Variants in STX11 observed in about 807,000 individuals in gnomAD.
STX11 encodes syntaxin 11.
STX11 carries 21 observed loss-of-function variants against 19.9 expected under a neutral mutation model. The ratio of observed to expected loss-of-function variants is 1.06; its 90% confidence interval spans 0.75 to 1.52. STX11 has a LOEUF of 1.52. STX11 is among the 40% of genes most tolerant of loss of function. STX11 has a pLI of 0.00. For synonymous variants in STX11, 193 were observed against 174.4 expected (o/e 1.11, Z -0.84); for missense variants, 438 against 405.9 (o/e 1.08, Z -0.68).
chr6:144,186,557 C>T (rs1479825355), intron 1 of STX11, 66 bp from the exon 2 acceptor site: 2 of 1,606,982 alleles, frequency 1.2e-6, no homozygotes, highest in Admixed American at 1.7e-5. Flanking sequence ...GTTTAAGTTT[C>T]AATCCCTTGA....
At chr6:144,146,930 A>C (rs1167824755), upstream of STX11, among the ~76,000 whole-genome samples, 1 of 152,166 alleles carries the variant, frequency 6.6e-6, no homozygotes, top group Non-Finnish European at 1.5e-5. This position sits in a 1 kb window ranked among gnomAD's most constrained non-coding sequence, Gnocchi z 4.4. Context: ...ATTGCTGGGG[A>C]TTAAGTGTGG....
At chr6:144,178,784 C>G (rs1246557901) in intron 1 of STX11, among the ~76,000 whole-genome samples, 1 of 152,036 alleles carries the variant, frequency 6.6e-6, no homozygotes, top group African/African-American at 2.4e-5. Context: ...TTGAATGAGC[C>G]CTAAGACAAT....
upstream of STX11, among the ~76,000 whole-genome samples, chr6:144,146,485 T>A (rs561589803): frequency 6.6e-6 from 1 of 152,322 alleles, no homozygotes; most frequent in East Asian, 1.9e-4. The surrounding 1 kb of genome is among the most constrained non-coding windows in gnomAD (Gnocchi z 4.4). Flanking sequence ...GCTAATTTTG[T>A]ATTTTTAGTA....
Position 144,187,735 on chromosome 6 carries a change from A to C in STX11, c.*244A>C. The C allele has an allele frequency of 1.6e-6, 1 of 612,920 alleles. No individual in the cohort carries two copies. 38.0% of individuals were successfully genotyped at this position (612,920 alleles called of 1,614,324 possible). On this transcript the variant is annotated 3_prime_UTR_variant, in exon 2 of 2. Transcript: ENST00000367568. The surrounding 1 kb of genome is among the most constrained non-coding windows in gnomAD (Gnocchi z 5.6). ...CCACAAAGTTGTGCAATGTCATTATATGACACCTTGCACTCTTACCGTCTT... is the reference window on the plus strand; with the variant it reads ...CCACAAAGTTGTGCAATGTCATTATCTGACACCTTGCACTCTTACCGTCTT...
At chr6:144,149,929 T>A (rs997385362), upstream of STX11, among the ~76,000 whole-genome samples, 1 of 152,164 alleles carries the variant, frequency 6.6e-6, no homozygotes, top group Admixed American at 6.5e-5. The surrounding 1 kb of genome is among the most constrained non-coding windows in gnomAD (Gnocchi z 5.1). Flanking sequence ...GCAGTATTTT[T>A]GAGCGCGGTG....
At position 144,184,811 on chromosome 6, in the gene STX11, AAT is replaced by A. The variant is rs1282701513; in HGVS notation, c.-5-1811_-5-1810del. The stretch of plus-strand genomic sequence containing the variant: ...TTCTCTGTCATTTACATCTTCTCTG[AAT>A]TGCTTCACTGTCTTTGGGTAAGTAG... On this transcript the variant is annotated intron_variant, in intron 1 of 1. Transcript: ENST00000367568. The surrounding 1 kb of genome is among the most constrained non-coding windows in gnomAD (Gnocchi z 6.5). 2.0e-5 allele frequency among the ~76,000 whole-genome samples: 3 copies of A among 152,222 alleles called. No individual in the cohort carries two copies. Among genetic ancestry groups the A allele is most frequent in the Non-Finnish European group, 4.4e-5 (3 of 68,038 alleles).
chr6:144,166,852 T>G, intron 1 of STX11, among the ~76,000 whole-genome samples: 1 of 129,266 alleles, frequency 7.7e-6, no homozygotes, highest in South Asian at 2.9e-4. Context: ...CCCCTTCCCT[T>G]CCCTCCCCTC....
rs10602843 is a variant in STX11 at position 144,170,591 on chromosome 6, GTAT to G, written c.-5-16019_-5-16017del. On this transcript the variant is annotated intron_variant, in intron 1 of 1. Coordinates refer to ENST00000367568, the MANE Select transcript of STX11 (RefSeq NM_003764.4). The surrounding 1 kb of genome is among the most constrained non-coding windows in gnomAD (Gnocchi z 4.7). The stretch of plus-strand genomic sequence containing the variant: ...TTTTCAGATTAGGAATGCTCAATCT[GTAT>G]TATTATTATTATATTTTACAAAGAG... Among the ~76,000 whole-genome samples, 60,206 of 151,602 alleles carry G rather than the reference GTAT, an allele frequency of 0.4. 12,670 individuals are homozygous for G. Among genetic ancestry groups the G allele is most frequent in the African/African-American group, 0.53 (22,002 of 41,246 alleles).
rs1211657729 is a variant in STX11 at position 144,159,142 on chromosome 6, A to G, written c.-6+8439A>G. ...AGCCTCATCAAAAATGAGTGAAAAA[A>G]ATAACGATTCTGGTGAGCGTATTTA... On this transcript the variant is annotated intron_variant, in intron 1 of 1. Coordinates refer to ENST00000367568, the MANE Select transcript of STX11 (RefSeq NM_003764.4). This position sits in a 1 kb window ranked among gnomAD's most constrained non-coding sequence, Gnocchi z 4.3. 6.6e-6 allele frequency among the ~76,000 whole-genome samples: 1 copy of G among 152,178 alleles called. No homozygotes were observed. The highest frequency in any genetic ancestry group is 1.5e-5 in the Non-Finnish European group (1 of 68,030).
chr6:144,181,987 T>A (rs1801923241), intron 1 of STX11, among the ~76,000 whole-genome samples: 1 of 152,216 alleles, frequency 6.6e-6, no homozygotes, highest in Non-Finnish European at 1.5e-5. Context: ...ATTCTTCACC[T>A]CCATGCAAAT....
At chr6:144,141,997 A>T in the STX11 span, among the ~76,000 whole-genome samples, 1 of 151,856 alleles carries the variant, frequency 6.6e-6, no homozygotes, top group African/African-American at 2.4e-5. Context: ...TGTGGTCTCT[A>T]ACATTGTTCT....
At position 144,162,847 on chromosome 6, in the gene STX11, T is replaced by A. The variant is rs1389746126; in HGVS notation, c.-6+12144T>A. On this transcript the variant is annotated intron_variant, in intron 1 of 1. Transcript: ENST00000367568. The surrounding 1 kb of genome is among the most constrained non-coding windows in gnomAD (Gnocchi z 4.6). ...TCTTCTTGTTGATATTCATAGAAAG[T>A]GTGTATGTTTACCAACATGAGTGAC... Among the ~76,000 whole-genome samples the A allele has an allele frequency of 1.3e-5, 2 of 152,232 alleles. No individual in the cohort carries two copies. The highest frequency in any genetic ancestry group is 2.4e-5 in the African/African-American group (1 of 41,458).
At chr6:144,147,483 G>A (rs1363598567), upstream of STX11, among the ~76,000 whole-genome samples, 1 of 151,538 alleles carries the variant, frequency 6.6e-6, no homozygotes. The surrounding 1 kb of genome is among the most constrained non-coding windows in gnomAD (Gnocchi z 4.2). Flanking sequence ...CTCTTTTTTT[G>A]ATTCTTTATC....
At chr6:144,186,058 T>C (rs1266004870) in intron 1 of STX11, among the ~76,000 whole-genome samples, 1 of 149,870 alleles carries the variant, frequency 6.7e-6, no homozygotes, top group African/African-American at 2.4e-5. Context: ...TTTTTTCTTT[T>C]TTTTTTTTTC....
rs1410486751 is a variant in STX11, at chr6:144,152,200, G to C, written c.-6+1497G>C. On this transcript the variant is annotated intron_variant, in intron 1 of 1. Transcript: ENST00000367568. The surrounding 1 kb of genome is among the most constrained non-coding windows in gnomAD (Gnocchi z 4.9). ...CCCTAGATAATTGCGGTCACGATTA[G>C]TTGATAGTGTGACTTTTAAGAAATA... 6.6e-6 allele frequency among the ~76,000 whole-genome samples: 1 copy of C among 152,206 alleles called. No individual in the cohort carries two copies. Among genetic ancestry groups the C allele is most frequent in the Non-Finnish European group, 1.5e-5 (1 of 68,040 alleles).
At chr6:144,179,278 C>T (rs1021597359) in intron 1 of STX11, among the ~76,000 whole-genome samples, 11 of 152,160 alleles carry the variant, frequency 7.2e-5, no homozygotes, top group Admixed American at 1.3e-4. Context: ...CCTCGCACAA[C>T]GTGTGGGAAT....
chr6:144,157,522 C>T (rs907604369), intron 1 of STX11, among the ~76,000 whole-genome samples: 5 of 152,122 alleles, frequency 3.3e-5, no homozygotes, highest in African/African-American at 1.2e-4. Flanking sequence ...TGTCTGATGG[C>T]CCAGACCATC....
At position 144,187,383 on chromosome 6, in the gene STX11, G is replaced by C. The variant is rs1419598166; in HGVS notation, c.756G>C (p.Thr252=). 2 of 1,610,684 alleles carry C rather than the reference G, an allele frequency of 1.2e-6. No individual in the cohort carries two copies. Among genetic ancestry groups the C allele is most frequent in the African/African-American group, 1.3e-5 (1 of 75,048 alleles). The change falls in exon 2 of 2, where the codon ACG becomes ACC. Residue 252 remains threonine (T), a synonymous_variant. Transcript: ENST00000367568. This position sits in a 1 kb window ranked among gnomAD's most constrained non-coding sequence, Gnocchi z 5.6. ...TCATCGAGCTCAACGTACAAAAGAC[G>C]GTCGACTACACCGGCCAGGCCAAGG... ...LNVIELNVQK[T]VDYTGQAKAQ... is the part of the protein sequence containing the mutation.
intron 1 of STX11, among the ~76,000 whole-genome samples, chr6:144,168,944 A>ACTGGAG: frequency 6.6e-6 from 1 of 152,248 alleles, no homozygotes; most frequent in African/African-American, 2.4e-5. Context: ...TGAGCAGGAC[A>ACTGGAG]GATGTGAAGG....
Sources: allele counts gnomAD v4.1 joint callset (sites outside exome capture counted in the v4.1 genomes callset), GRCh38; gene constraint gnomAD v4.1.1; non-coding constraint Gnocchi (gnomAD v3.1); transcripts MANE v1.5; gene names NCBI Gene and HGNC (gene_info 2026-07-23, HGNC 2026-07-21).